TMEM167A: variants seen among roughly 807,000 people sequenced by gnomAD.
The protein encoded by TMEM167A is transmembrane protein 167A, also known as protein kish-A.
TMEM167A carries 8 observed loss-of-function variants against 11.6 expected under a neutral mutation model. The ratio of observed to expected loss-of-function variants is 0.69; its 90% CI spans 0.40 to 1.24. TMEM167A has a LOEUF of 1.24. Among genes scored for constraint, TMEM167A ranks in the 50% most tolerant of loss-of-function variants. The pLI, the probability that TMEM167A is intolerant of heterozygous loss-of-function variation, is 0.01. For missense variants in TMEM167A, 62 were observed against 87.0 expected, an observed-to-expected ratio of 0.71 and a Z score of 1.14; for synonymous variants, 22 against 28.0, an observed-to-expected ratio of 0.79 and a Z score of 0.67.
chr5:83,053,369 C>T lies in TMEM167A; in HGVS notation c.*3715G>A, dbSNP rs2112234417. On this transcript the variant is annotated 3_prime_UTR_variant, in exon 4 of 4. Transcript: ENST00000502346. ...TAACAATCAGGGCTGCTTTTGGTAT[C>T]AAGAGTATGAGCTATTAAGAGTTTC... is the stretch of plus-strand genomic sequence containing the variant. The T allele has an allele frequency of 6.6e-6, 1 of 151,934 alleles. No individual in the cohort carries two copies. Among genetic ancestry groups the T allele is most frequent in the East Asian group, 1.9e-4 (1 of 5,164 alleles). The allele number at this position is 151,934 out of a possible 1,614,324, so 9.4% of individuals were successfully genotyped here.
intron 2 of TMEM167A, among the ~76,000 whole-genome samples, chr5:83,062,236 G>C (rs1744417102): frequency 6.6e-6 from 1 of 152,102 alleles, no homozygotes; most frequent in Non-Finnish European, 1.5e-5. Flanking sequence ...ACTTTCAAAA[G>C]CAGAAAATGT....
At chr5:83,057,612 G>A (rs1744350892) in intron 3 of TMEM167A, among the ~76,000 whole-genome samples, 1 of 151,932 alleles carries the variant, frequency 6.6e-6, no homozygotes, top group Non-Finnish European at 1.5e-5. Context: ...TACAGGGAAG[G>A]GGGAGCATTC....
intron 1 of TMEM167A, among the ~76,000 whole-genome samples, chr5:83,073,202 A>C (rs891549630): frequency 2.6e-5 from 4 of 152,190 alleles, no homozygotes; most frequent in African/African-American, 9.7e-5. Context: ...CTTCATATGA[A>C]AAATGTGGCC....
chr5:83,074,549 A>T (rs191913391), intron 1 of TMEM167A, among the ~76,000 whole-genome samples: 4 of 152,354 alleles, frequency 2.6e-5, no homozygotes. Flanking sequence ...TAGTGCACCA[A>T]GAAAAAGACA....
At chr5:83,070,544 A>G (rs1490543666) in intron 1 of TMEM167A, among the ~76,000 whole-genome samples, 2 of 152,146 alleles carry the variant, frequency 1.3e-5, no homozygotes, top group Non-Finnish European at 2.9e-5. Context: ...AGGTGTTTTG[A>G]AATAATAAAA....
At chr5:83,063,091 T>C (rs534167363) in intron 2 of TMEM167A, among the ~76,000 whole-genome samples, 2 of 152,230 alleles carry the variant, frequency 1.3e-5, no homozygotes, top group African/African-American at 4.8e-5. Flanking sequence ...CATGAGTTTA[T>C]TTCAAAGTAT....
intron 1 of TMEM167A, among the ~76,000 whole-genome samples, chr5:83,074,556 G>T (rs1009414677): frequency 2.0e-5 from 3 of 152,124 alleles, no homozygotes; most frequent in African/African-American, 4.8e-5. Context: ...CCAAGAAAAA[G>T]ACATGAAAAT....
At chr5:83,073,783 T>C (rs1486344645) in intron 1 of TMEM167A, among the ~76,000 whole-genome samples, 1 of 152,230 alleles carries the variant, frequency 6.6e-6, no homozygotes, top group Non-Finnish European at 1.5e-5. Flanking sequence ...ATACACGTTA[T>C]TGAGGATCTG....
In TMEM167A at chr5:83,055,617, C is replaced by T. The variant is rs1744317851; in HGVS notation, c.*1467G>A. On this transcript the variant is annotated 3_prime_UTR_variant, in exon 4 of 4. Coordinates refer to ENST00000502346, the MANE Select transcript of TMEM167A (RefSeq NM_174909.5). ...CAAAAAATCCCCAGATAACAAAATA[C>T]AGAAAATCAAACCAAAACCAAAAAA... 1 of 151,726 alleles carries T rather than the reference C, an allele frequency of 6.6e-6. No individual in the cohort carries two copies. Among genetic ancestry groups the T allele is most frequent in the African/African-American group, 2.4e-5 (1 of 41,312 alleles). 9.4% of individuals were successfully genotyped at this position (151,726 alleles called of 1,614,324 possible).
At chr5:83,073,149 C>T (rs1232951973) in intron 1 of TMEM167A, among the ~76,000 whole-genome samples, 1 of 152,168 alleles carries the variant, frequency 6.6e-6, no homozygotes, top group Non-Finnish European at 1.5e-5. Flanking sequence ...TATTTATAAG[C>T]AGTGTGATGT....
chr5:83,065,640 T>C (rs1387596472), intron 1 of TMEM167A, among the ~76,000 whole-genome samples: 1 of 152,186 alleles, frequency 6.6e-6, no homozygotes, highest in East Asian at 1.9e-4. Flanking sequence ...TTGGAGCATT[T>C]TGGATTTCTG....
intron 1 of TMEM167A, among the ~76,000 whole-genome samples, chr5:83,073,512 T>C (rs73769244): frequency 0.037 from 5,669 of 152,264 alleles, 334 homozygotes; most frequent in African/African-American, 0.13. Flanking sequence ...TAAGAAAGAT[T>C]AATAAAAACA....
At chr5:83,077,084 T>C (rs1444094274) in intron 1 of TMEM167A, among the ~76,000 whole-genome samples, 1 of 152,222 alleles carries the variant, frequency 6.6e-6, no homozygotes, top group Admixed American at 6.5e-5. Context: ...ACGCATTTTT[T>C]TTTCCTAAAC....
At chr5:83,072,787 G>A (rs1213636253) in intron 1 of TMEM167A, among the ~76,000 whole-genome samples, 1 of 151,988 alleles carries the variant, frequency 6.6e-6, no homozygotes, top group Non-Finnish European at 1.5e-5. Context: ...GTTTTTCTTT[G>A]CAATCAGTAT....
chr5:83,073,304 A>G (rs1744590616), intron 1 of TMEM167A, among the ~76,000 whole-genome samples: 1 of 152,344 alleles, frequency 6.6e-6, no homozygotes, highest in African/African-American at 2.4e-5. Flanking sequence ...ACTTAACGTC[A>G]TCCACAGGTC....
chr5:83,057,206 C>T (rs781469701), intron 3 of TMEM167A, 52 bp from the exon 4 acceptor site: 3 of 1,512,984 alleles, frequency 2.0e-6, no homozygotes, highest in Non-Finnish European at 2.7e-6. Flanking sequence ...GCTAACCTGG[C>T]TATGACAAGG....
chr5:83,069,306 C>A (rs758808267), intron 1 of TMEM167A, among the ~76,000 whole-genome samples: 8 of 151,870 alleles, frequency 5.3e-5, no homozygotes, highest in Admixed American at 1.3e-4. Flanking sequence ...ATTTTAGTCT[C>A]AGGGTTAAAG....
chr5:83,072,512 TAC>T (rs1363009796), intron 1 of TMEM167A, among the ~76,000 whole-genome samples: 1 of 152,070 alleles, frequency 6.6e-6, no homozygotes, highest in Non-Finnish European at 1.5e-5. Context: ...TCTGGGCACC[TAC>T]AGTTTCTTAA....
At chr5:83,073,351 CA>C (rs1744591275) in intron 1 of TMEM167A, among the ~76,000 whole-genome samples, 1 of 151,912 alleles carries the variant, frequency 6.6e-6, no homozygotes, top group African/African-American at 2.4e-5. Context: ...AGATATATAA[CA>C]AAAAAAATTT....
Sources: gnomAD v4.1 joint callset for allele counts (sites outside exome capture counted in the v4.1 genomes callset) on GRCh38, gnomAD v4.1.1 for gene constraint, MANE v1.5 for transcripts, NCBI Gene and HGNC (gene_info 2026-07-23, HGNC 2026-07-21) for gene names.